The following EGFR variants were observed in gnomAD, a reference collection of about 807,000 sequenced individuals.
The protein encoded by EGFR is epidermal growth factor receptor.
Under a neutral mutation model 143.0 loss-of-function variants are expected in EGFR, and 58 were observed. The observed-to-expected ratio is 0.41, with a 90% CI of 0.33 to 0.50. The LOEUF is 0.50. Among genes scored for constraint, EGFR ranks in the 20% least tolerant of loss-of-function variants. EGFR has a pLI of 0.39. For missense variants in EGFR, 1,307 were observed against 1,579.0 expected (o/e 0.83, Z 2.92); for synonymous variants, 613 against 594.4 (o/e 1.03, Z -0.45).
chr7:55,019,520 C>A (rs778435715), intron 1 of EGFR, among the ~76,000 whole-genome samples, 155 bp downstream of exon 1: 7 of 152,146 alleles, frequency 4.6e-5, no homozygotes. Context: ...CGACCGGGAC[C>A]GCGGGAGGAA....
At chr7:55,079,378 G>A (rs2128889003) in intron 1 of EGFR, among the ~76,000 whole-genome samples, 1 of 152,330 alleles carries the variant, frequency 6.6e-6, no homozygotes. Context: ...GGCCTGCTCT[G>A]TGCGTGCTGA....
At chr7:55,080,157 T>C (rs775656009) in intron 1 of EGFR, among the ~76,000 whole-genome samples, 2 of 152,176 alleles carry the variant, frequency 1.3e-5, no homozygotes, top group Admixed American at 6.5e-5. Context: ...GTGGCCCATT[T>C]TGAGTTAGTT....
intron 1 of EGFR, among the ~76,000 whole-genome samples, chr7:55,079,055 C>T (rs1006646423): frequency 1.3e-5 from 2 of 152,348 alleles, no homozygotes; most frequent in East Asian, 1.9e-4. Context: ...TCCCGTGGGC[C>T]GGGCAGGCAG....
intron 1 of EGFR, among the ~76,000 whole-genome samples, chr7:55,132,107 A>G (rs572249018): frequency 6.6e-4 from 100 of 151,556 alleles, no homozygotes; most frequent in Non-Finnish European, 1.1e-3. Context: ...GTGTATGTTT[A>G]TAGAGATGGC....
At position 55,201,719 on chromosome 7, in the gene EGFR, T is replaced by C. The variant is rs1167256128; in HGVS notation, c.3115-16T>C. 2.5e-6 allele frequency: 4 copies of C among 1,614,080 alleles called. No individual in the cohort carries two copies. The highest frequency in any genetic ancestry group is 2.7e-5 in the African/African-American group (2 of 74,926). ...GTACAAGCATTCCATGGGCAACTTC[T>C]CTGTTTCTTTTTCAGAGTGCAACCA... On this transcript the variant is annotated splice_polypyrimidine_tract_variant and intron_variant, in intron 25 of 27. Transcript: ENST00000275493.
intron 11 of EGFR, among the ~76,000 whole-genome samples, chr7:55,158,001 C>G (rs2128940029): frequency 6.6e-6 from 1 of 152,374 alleles, no homozygotes; most frequent in East Asian, 1.9e-4. Context: ...CCAGATCCCA[C>G]ATTGCACTTA....
chr7:55,171,105 A>T (rs1258768863), intron 15 of EGFR, 70 bp from the exon 16 acceptor site: 2 of 1,605,884 alleles, frequency 1.2e-6, no homozygotes, highest in African/African-American at 1.3e-5. Context: ...TGATTTAATT[A>T]AAAATCTCCA....
intron 1 of EGFR, among the ~76,000 whole-genome samples, chr7:55,019,934 C>T (rs1786436475): frequency 6.6e-6 from 1 of 152,198 alleles, no homozygotes; most frequent in Non-Finnish European, 1.5e-5. Context: ...CCTCCGCCCT[C>T]CGCGCAGGTC....
At chr7:55,022,843 T>G (rs1786655212) in intron 1 of EGFR, among the ~76,000 whole-genome samples, 1 of 152,260 alleles carries the variant, frequency 6.6e-6, no homozygotes, top group Non-Finnish European at 1.5e-5. Flanking sequence ...AAGTCCATTG[T>G]GCTGCATAAT....
chr7:55,100,240 C>A (rs529981093), intron 1 of EGFR, among the ~76,000 whole-genome samples: 5 of 152,338 alleles, frequency 3.3e-5, no homozygotes, highest in East Asian at 3.9e-4. Context: ...CCTGGGTCAC[C>A]TGACCTAGTT....
chr7:55,080,956 G>A (rs1209490871), intron 1 of EGFR, among the ~76,000 whole-genome samples: 1 of 152,172 alleles, frequency 6.6e-6, no homozygotes, highest in African/African-American at 2.4e-5. Flanking sequence ...CAGGACGTAT[G>A]GGTGCCAGTC....
chr7:55,114,047 G>C (rs545108814), intron 1 of EGFR, among the ~76,000 whole-genome samples: 2 of 152,206 alleles, frequency 1.3e-5, no homozygotes, highest in Non-Finnish European at 2.9e-5. Flanking sequence ...TCCTTCCTGT[G>C]TTCTCACATT....
At chr7:55,079,714 C>T (rs1173604051) in intron 1 of EGFR, among the ~76,000 whole-genome samples, 1 of 152,098 alleles carries the variant, frequency 6.6e-6, no homozygotes, top group Non-Finnish European at 1.5e-5. Context: ...CTGCTGGCTT[C>T]ATAGCTCTCA....
rs1562813678 is a variant in EGFR at position 55,209,547 on chromosome 7, T to TCTACTCTG, written c.*3932_*3939dup. 6.6e-6 allele frequency: 1 copy of TCTACTCTG among 152,182 alleles called. No individual in the cohort carries two copies. Among genetic ancestry groups the TCTACTCTG allele is most frequent in the Non-Finnish European group, 1.5e-5 (1 of 68,044 alleles). 9.4% of individuals were successfully genotyped at this position (152,182 alleles called of 1,614,324 possible). A position where few individuals can be genotyped will look rare whatever the true frequency, so the allele number is the denominator to read the frequency against. Reference sequence around the variant, plus strand: ...ACACCTGTTGAAATTGCCCTCAATGTCTACTCTGCATTTCTTTCTTGTGAT... The same window carrying TCTACTCTG: ...ACACCTGTTGAAATTGCCCTCAATGTCTACTCTGCTACTCTGCATTTCTTTCTTGTGAT... On this transcript the variant is annotated 3_prime_UTR_variant, in exon 28 of 28. Coordinates refer to ENST00000275493, the MANE Select transcript of EGFR (RefSeq NM_005228.5).
At chr7:55,129,685 C>G (rs1217081382) in intron 1 of EGFR, among the ~76,000 whole-genome samples, 2 of 152,194 alleles carry the variant, frequency 1.3e-5, no homozygotes, top group Non-Finnish European at 2.9e-5. Flanking sequence ...CCAGCCCCTG[C>G]ATTTCCCTCT....
intron 1 of EGFR, among the ~76,000 whole-genome samples, chr7:55,075,075 C>T (rs185694628): frequency 6.6e-6 from 1 of 152,042 alleles, no homozygotes; most frequent in Non-Finnish European, 1.5e-5. Context: ...GAATAGAAGG[C>T]CAAAGGGTGT....
At chr7:55,054,871 G>A (rs1050513711) in intron 1 of EGFR, among the ~76,000 whole-genome samples, 1 of 152,186 alleles carries the variant, frequency 6.6e-6, no homozygotes, top group Non-Finnish European at 1.5e-5. Flanking sequence ...GACCTGCAGA[G>A]GCAGAGCACT....
intron 1 of EGFR, among the ~76,000 whole-genome samples, chr7:55,086,150 C>A (rs1790745525): frequency 6.6e-6 from 1 of 152,146 alleles, no homozygotes; most frequent in Non-Finnish European, 1.5e-5. Flanking sequence ...CTGCTCAATA[C>A]CTCCATGTTA....
chr7:55,088,645 C>T (rs191078506), intron 1 of EGFR, among the ~76,000 whole-genome samples: 2 of 152,290 alleles, frequency 1.3e-5, no homozygotes, highest in Admixed American at 1.3e-4. Context: ...TTTGGCTTTC[C>T]CTGTGATTAT....
Sources: gnomAD v4.1 joint callset for allele counts (sites outside exome capture counted in the v4.1 genomes callset) on GRCh38, gnomAD v4.1.1 for gene constraint, MANE v1.5 for transcripts, NCBI Gene and HGNC (gene_info 2026-07-23, HGNC 2026-07-21) for gene names.